The following EP300 variants were observed in gnomAD, a reference collection of about 807,000 sequenced individuals.
The protein encoded by EP300 is histone acetyltransferase p300.
EP300 carries 31 observed loss-of-function variants against 264.0 expected under a neutral mutation model. The observed-to-expected ratio is 0.12, with a 90% CI of 0.09 to 0.16. The LOEUF is 0.16. EP300 is among the 10% of genes least tolerant of loss of function. The pLI, the probability that EP300 is intolerant of heterozygous loss-of-function variation, is 1.00. For synonymous variants in EP300, 1,340 were observed against 1,045.4 expected (o/e 1.28, Z -5.44); for missense variants, 2,766 against 3,052.9 (o/e 0.91, Z 2.21).
chr22:41,126,530 G>A (rs1320250840), intron 3 of EP300, among the ~76,000 whole-genome samples: 1 of 151,866 alleles, frequency 6.6e-6, no homozygotes, highest in African/African-American at 2.4e-5. Flanking sequence ...TGTTATTTTT[G>A]TACAGTCAAA....
chr22:41,154,364 A>T (rs1392197134), intron 16 of EP300, among the ~76,000 whole-genome samples: 1 of 98,152 alleles, frequency 1.0e-5, no homozygotes, highest in Non-Finnish European at 2.1e-5. Context: ...TAACACGAGT[A>T]TCTTGTGCAC....
intron 13 of EP300, among the ~76,000 whole-genome samples, chr22:41,149,493 G>A (rs2059030706): frequency 1.3e-5 from 2 of 152,150 alleles, no homozygotes; most frequent in African/African-American, 4.8e-5. Flanking sequence ...GCAGGCCCTA[G>A]AGCACTCTGC....
intron 12 of EP300, 111 bp from the exon 13 acceptor site, chr22:41,148,927 T>C (rs894916404): frequency 4.1e-6 from 6 of 1,462,172 alleles, no homozygotes; most frequent in Middle Eastern, 1.8e-4. Context: ...CTCCTGTCTT[T>C]GGCTTTTCTC....
At chr22:41,128,394 G>T (rs2058895488) in intron 4 of EP300, among the ~76,000 whole-genome samples, 1 of 152,026 alleles carries the variant, frequency 6.6e-6, no homozygotes, top group Non-Finnish European at 1.5e-5. Context: ...CAAGAGGGCA[G>T]GGGTTGGTGT....
intron 17 of EP300, among the ~76,000 whole-genome samples, chr22:41,155,404 T>C (rs571658252): frequency 7.9e-5 from 12 of 152,260 alleles, no homozygotes; most frequent in Admixed American, 4.6e-4. Context: ...GCTAGTTTTT[T>C]GTATTTTTTA....
intron 22 of EP300, 116 bp from the exon 23 acceptor site, chr22:41,166,483 T>C (rs2059135197): frequency 6.3e-6 from 5 of 792,494 alleles, no homozygotes; most frequent in Non-Finnish European, 1.0e-5. Context: ...TTATTAACTC[T>C]TCATTAGAAA....
chr22:41,170,692 C>T lies in EP300; in HGVS notation c.4452+121C>T, dbSNP rs376995997. On this transcript the variant is annotated intron_variant, in intron 27 of 30. Coordinates refer to ENST00000263253, the MANE Select transcript of EP300 (RefSeq NM_001429.4). ...TTTTTTTTTTTTTGAGACGGAGTCT[C>T]GCTCTGTCACGCAGGCTGGAGTGCA... 3.9e-5 allele frequency: 41 copies of T among 1,046,634 alleles called. 1 individual carries two copies. The highest frequency in any genetic ancestry group is 3.3e-4 in the East Asian group (12 of 36,414). 64.8% of individuals were successfully genotyped at this position (1,046,634 alleles called of 1,614,324 possible). A position where few individuals can be genotyped will look rare whatever the true frequency, so the allele number is the denominator to read the frequency against.
intron 1 of EP300, among the ~76,000 whole-genome samples, chr22:41,104,019 A>C (rs566253095): frequency 1.3e-5 from 2 of 152,290 alleles, no homozygotes; most frequent in East Asian, 3.9e-4. Context: ...CCAGATACCA[A>C]CTTAGAAACC....
chr22:41,144,872 T>C (rs1286408182), intron 10 of EP300, among the ~76,000 whole-genome samples: 1 of 152,092 alleles, frequency 6.6e-6, no homozygotes, highest in African/African-American at 2.4e-5. Context: ...ATTTTGCATT[T>C]AAAAAGTCTG....
At position 41,112,492 on chromosome 22, in the gene EP300, C is replaced by G. The variant is rs757849656; in HGVS notation, c.95-4695C>G. Reference sequence around the variant, plus strand: ...GGGATTACAGGCGTGAGCCACTGTGCCTGGCCAAGATGAATCTTATATTTT... The same window carrying G: ...GGGATTACAGGCGTGAGCCACTGTGGCTGGCCAAGATGAATCTTATATTTT... On this transcript the variant is annotated intron_variant, in intron 1 of 30. Transcript: ENST00000263253. Among the ~76,000 whole-genome samples, 46 of 152,210 alleles carry G rather than the reference C, an allele frequency of 3.0e-4. 2 individuals carry two copies. Among genetic ancestry groups the G allele is most frequent in the Non-Finnish European group, 8.8e-5 (6 of 68,040 alleles).
chr22:41,140,067 A>G (rs537711991), intron 8 of EP300, 73 bp from the exon 9 acceptor site: 4 of 999,750 alleles, frequency 4.0e-6, no homozygotes, highest in East Asian at 2.4e-5. Context: ...CTATGTGTTC[A>G]GTGTATAAAA....
At chr22:41,169,736 A>G in intron 26 of EP300, 120 bp downstream of exon 26, 1 of 685,158 alleles carries the variant, frequency 1.5e-6, no homozygotes, top group Non-Finnish European at 2.6e-6. Flanking sequence ...GTTCTTACGT[A>G]ACAATTCTCT....
chr22:41,127,667 C>A lies in EP300; in HGVS notation c.1087C>A (p.Gln363Lys), dbSNP rs2058890907. The change falls in exon 4 of 31, where the codon CAG (glutamine) becomes AAG (lysine). Residue 363 changes from glutamine to lysine, a missense_variant. By Grantham distance (53) the Gln-to-Lys change is moderately conservative. Transcript: ENST00000263253. ...RREQANGEVR[Q>K]CNLPHCRTMK... ...GGAACAGGCCAATGGGGAAGTGAGG[C>A]AGTGCAACCTTCCCCACTGTCGCAC... is the stretch of plus-strand genomic sequence containing the variant. The A allele has an allele frequency of 3.7e-6, 6 of 1,614,188 alleles. No individual in the cohort carries two copies. Among genetic ancestry groups the A allele is most frequent in the Non-Finnish European group, 5.1e-6 (6 of 1,180,040 alleles).
At chr22:41,107,349 GT>G (rs1323454057) in intron 1 of EP300, among the ~76,000 whole-genome samples, 1 of 151,742 alleles carries the variant, frequency 6.6e-6, no homozygotes, top group Non-Finnish European at 1.5e-5. Context: ...AGAGAACTGA[GT>G]TGATTTTACT....
rs866729863 is a variant in EP300 at position 41,160,840 on chromosome 22, G to A, written c.3671+118G>A. ...TGAATATGGTAGCCATTAGCCACAT[G>A]TTGCTATTTAAATGCATATTAATTT... On this transcript the variant is annotated intron_variant, in intron 20 of 30. Coordinates refer to ENST00000263253, the MANE Select transcript of EP300 (RefSeq NM_001429.4). The A allele has an allele frequency of 1.6e-5, 15 of 921,474 alleles. No homozygotes were observed. In the Middle Eastern group the frequency reaches 1.7e-3, roughly 106 times the overall value. 57.1% of individuals were successfully genotyped at this position (921,474 alleles called of 1,614,324 possible).
intron 1 of EP300, among the ~76,000 whole-genome samples, chr22:41,099,268 C>T (rs1037852966): frequency 2.6e-5 from 4 of 151,998 alleles, no homozygotes; most frequent in African/African-American, 7.2e-5. Flanking sequence ...GTCCTGACCT[C>T]GTGATCCACC....
At chr22:41,120,021 C>A (rs1307415606) in intron 2 of EP300, among the ~76,000 whole-genome samples, 3 of 152,030 alleles carry the variant, frequency 2.0e-5, no homozygotes, top group Non-Finnish European at 2.9e-5. Flanking sequence ...ACCATGTTGC[C>A]CAGGCTCGTT....
chr22:41,175,476 T>C (rs1294400057), intron 29 of EP300, among the ~76,000 whole-genome samples: 1 of 152,244 alleles, frequency 6.6e-6, no homozygotes, highest in Non-Finnish European at 1.5e-5. Context: ...TGAGAATTGA[T>C]GGTTGTTACA....
At chr22:41,115,091 G>A (rs1031813577) in intron 1 of EP300, among the ~76,000 whole-genome samples, 1 of 152,100 alleles carries the variant, frequency 6.6e-6, no homozygotes, top group Admixed American at 6.5e-5. Flanking sequence ...GTACCACTAT[G>A]CCCAACACCC....
Sources: allele counts gnomAD v4.1 joint callset (sites outside exome capture counted in the v4.1 genomes callset), GRCh38; gene constraint gnomAD v4.1.1; transcripts MANE v1.5; gene names NCBI Gene and HGNC (gene_info 2026-07-23, HGNC 2026-07-21).